The following MYOF variants were observed in gnomAD, a reference collection of about 807,000 sequenced individuals.
The protein encoded by MYOF is fer-1-like 3, myoferlin.
In MYOF, 244 loss-of-function variants were observed where a neutral mutation model predicts 284.2. The ratio of observed to expected loss-of-function variants is 0.86; its 90% CI spans 0.77 to 0.95. The LOEUF (loss-of-function observed/expected upper bound fraction) is 0.95. Ranked by LOEUF, MYOF falls within the 40% of genes least tolerant of loss-of-function variation. The pLI is 0.00. For missense variants in MYOF, 2,496 were observed against 2,560.6 expected (o/e 0.97, Z 0.54); for synonymous variants, 904 against 919.7 (o/e 0.98, Z 0.31).
intron 3 of MYOF, among the ~76,000 whole-genome samples, chr10:93,433,470 A>C (rs1848965002): frequency 7.4e-6 from 1 of 134,270 alleles, no homozygotes; most frequent in South Asian, 2.4e-4. Context: ...AATATTTAGA[A>C]TTTTTAACTG....
intron 16 of MYOF, among the ~76,000 whole-genome samples, chr10:93,394,096 GTTTA>G (rs1260348659): frequency 2.0e-5 from 3 of 151,992 alleles, no homozygotes; most frequent in African/African-American, 2.4e-5. Context: ...CTATTTATTT[GTTTA>G]TTCATTCATT....
intron 29 of MYOF, among the ~76,000 whole-genome samples, chr10:93,357,268 T>A (rs1294616850): frequency 6.6e-6 from 1 of 152,224 alleles, no homozygotes; most frequent in Non-Finnish European, 1.5e-5. Context: ...AAATGCCCCC[T>A]CCCAGGTTTA....
chr10:93,362,289 AGGCTGGAGTGCAGT>A (rs955558169), intron 27 of MYOF, among the ~76,000 whole-genome samples: 6 of 151,266 alleles, frequency 4.0e-5, no homozygotes, highest in African/African-American at 1.5e-4. Flanking sequence ...TCTGTCGCCC[AGGCTGGAGTGCAGT>A]GGTGCAATCT....
At chr10:93,364,998 A>G (rs188506334) in intron 26 of MYOF, among the ~76,000 whole-genome samples, 113 of 152,028 alleles carry the variant, frequency 7.4e-4, no homozygotes, top group Non-Finnish European at 1.2e-3. Context: ...TTTCTATCAC[A>G]ATTTCCCTAC....
intron 15 of MYOF, among the ~76,000 whole-genome samples, chr10:93,396,810 A>G (rs759412357): frequency 1.3e-5 from 2 of 152,202 alleles, no homozygotes; most frequent in Non-Finnish European, 2.9e-5. Flanking sequence ...AGGCTGGTCT[A>G]CTAAAAATTC....
chr10:93,424,318 T>C lies in MYOF; in HGVS notation c.433+1753A>G, dbSNP rs73321722. ...CAGGCCAGAAAGCGCCTAGTGCCTT[T>C]CCCACACAGATACAAATGCTGGTGA... On this transcript the variant is annotated intron_variant, in intron 5 of 53. Transcript: ENST00000359263. 4.5e-3 allele frequency among the ~76,000 whole-genome samples: 689 copies of C among 152,280 alleles called. 4 individuals are homozygous for C. The highest frequency in any genetic ancestry group is 0.024 in the Middle Eastern group (7 of 294).
chr10:93,340,760 A>ATT (rs34675111), intron 38 of MYOF, among the ~76,000 whole-genome samples: 3 of 151,512 alleles, frequency 2.0e-5, no homozygotes, highest in African/African-American at 7.3e-5. Context: ...CTTTCATGTG[A>ATT]TTTTTTTTTA....
intron 22 of MYOF, among the ~76,000 whole-genome samples, chr10:93,376,567 G>A (rs918556530): frequency 6.6e-6 from 1 of 152,116 alleles, no homozygotes; most frequent in African/African-American, 2.4e-5. Context: ...TTTACCACTA[G>A]GAGGCACAAG....
intron 3 of MYOF, among the ~76,000 whole-genome samples, chr10:93,448,677 A>G (rs946106085): frequency 3.3e-5 from 5 of 152,190 alleles, no homozygotes; most frequent in African/African-American, 1.2e-4. Context: ...AAGAAAACAT[A>G]AGATCTGAGG....
chr10:93,420,081 TGAG>T (rs1327860475), intron 5 of MYOF, among the ~76,000 whole-genome samples: 2 of 152,138 alleles, frequency 1.3e-5, no homozygotes, highest in Non-Finnish European at 2.9e-5. Flanking sequence ...TTCAGTGAGC[TGAG>T]ATCACTGGGC....
At chr10:93,454,734 T>G (rs1233203066) in intron 2 of MYOF, among the ~76,000 whole-genome samples, 1 of 151,996 alleles carries the variant, frequency 6.6e-6, no homozygotes, top group Admixed American at 6.6e-5. Flanking sequence ...ACTCAGCACT[T>G]TGGGAGGCCA....
At chr10:93,396,432 T>A (rs983273296) in intron 15 of MYOF, among the ~76,000 whole-genome samples, 4 of 152,180 alleles carry the variant, frequency 2.6e-5, no homozygotes, top group Non-Finnish European at 5.9e-5. Flanking sequence ...CCCACATTTT[T>A]AATTCAATAA....
At chr10:93,460,782 A>AGG (rs71031510) in intron 1 of MYOF, among the ~76,000 whole-genome samples, 7 of 140,092 alleles carry the variant, frequency 5.0e-5, no homozygotes, top group Non-Finnish European at 1.1e-4. Context: ...AAAAAAAAAA[A>AGG]AAAGAAAGAA....
intron 5 of MYOF, among the ~76,000 whole-genome samples, chr10:93,423,813 A>T (rs1314726555): frequency 3.3e-5 from 5 of 151,584 alleles, no homozygotes; most frequent in Admixed American, 2.6e-4. Flanking sequence ...AGCCTGGGCG[A>T]CAGAGCCAGA....
chr10:93,419,398 G>C (rs560751633), intron 5 of MYOF, among the ~76,000 whole-genome samples: 4 of 151,708 alleles, frequency 2.6e-5, no homozygotes, highest in Non-Finnish European at 5.9e-5. Context: ...CCTGACCTCA[G>C]GTGATCCACC....
At chr10:93,348,268 G>C (rs1408374676) in intron 36 of MYOF, among the ~76,000 whole-genome samples, 1 of 152,190 alleles carries the variant, frequency 6.6e-6, no homozygotes, top group East Asian at 1.9e-4. Flanking sequence ...AAATGGTCAA[G>C]ACAAAACTGA....
At chr10:93,355,867 C>A (rs1488041379) in intron 30 of MYOF, 131 bp from the exon 31 acceptor site, 2 of 628,302 alleles carry the variant, frequency 3.2e-6, no homozygotes, top group South Asian at 2.6e-5. Flanking sequence ...GCAAACACCC[C>A]ATTTTTAAAG....
intron 1 of MYOF, among the ~76,000 whole-genome samples, chr10:93,468,927 C>G (rs10882239): frequency 0.72 from 110,053 of 152,056 alleles, 41,256 homozygotes; most frequent in Non-Finnish European, 0.83. Flanking sequence ...ATATATGAAG[C>G]AGTGGGAAAA....
At chr10:93,382,394 A>G (rs1846166729) in intron 19 of MYOF, among the ~76,000 whole-genome samples, 1 of 152,218 alleles carries the variant, frequency 6.6e-6, no homozygotes, top group African/African-American at 2.4e-5. Flanking sequence ...CACTGCACCC[A>G]GCTAAACTAT....
Sources: gnomAD v4.1 joint callset for allele counts (sites outside exome capture counted in the v4.1 genomes callset) on GRCh38, gnomAD v4.1.1 for gene constraint, MANE v1.5 for transcripts, NCBI Gene and HGNC (gene_info 2026-07-23, HGNC 2026-07-21) for gene names.